The following KCNG2 variants were observed in gnomAD, a reference collection of about 807,000 sequenced individuals.
KCNG2 encodes the protein voltage-gated potassium channel regulatory subunit KCNG2.
KCNG2 carries 7 observed loss-of-function variants against 12.3 expected under a neutral mutation model. That is an observed-to-expected ratio of 0.57 (90% CI 0.32 to 1.07). KCNG2 has a LOEUF of 1.07. Ranked by LOEUF, KCNG2 falls within the 50% of genes least tolerant of loss-of-function variation. KCNG2 has a pLI of 0.04. For missense variants in KCNG2, 703 were observed against 726.0 expected, an observed-to-expected ratio of 0.97 and a Z score of 0.36; for synonymous variants, 414 against 351.4, an observed-to-expected ratio of 1.18 and a Z score of -1.99.
intron 1 of KCNG2, among the ~76,000 whole-genome samples, chr18:79,831,682 T>A (rs1191059118): frequency 2.3e-5 from 3 of 131,570 alleles, no homozygotes; most frequent in Non-Finnish European, 5.0e-5. Context: ...GAGGGTTCCC[T>A]GCGGACAGAG....
intron 3 of KCNG2, among the ~76,000 whole-genome samples, chr18:79,874,376 G>A (rs538058247): frequency 5.3e-5 from 8 of 152,330 alleles, no homozygotes; most frequent in African/African-American, 1.7e-4. Flanking sequence ...CAGCGGAGGC[G>A]AAGAAAGGAG....
intron 3 of KCNG2, among the ~76,000 whole-genome samples, chr18:79,891,397 A>G (rs1407812335): frequency 6.6e-6 from 1 of 151,888 alleles, no homozygotes; most frequent in African/African-American, 2.4e-5. Flanking sequence ...CACCCAGCTA[A>G]TTTTTGTATG....
intron 2 of KCNG2, among the ~76,000 whole-genome samples, 23 bp downstream of exon 2, chr18:79,856,475 G>A (rs1020660419): frequency 6.6e-6 from 1 of 152,182 alleles, no homozygotes; most frequent in Admixed American, 6.5e-5. Context: ...CCTGCCAGAA[G>A]GGCAAGAAAC....
intron 3 of KCNG2, among the ~76,000 whole-genome samples, chr18:79,872,866 T>G (rs899641323): frequency 3.3e-5 from 5 of 152,192 alleles, no homozygotes; most frequent in Non-Finnish European, 7.3e-5. Context: ...GCGAGGTCTC[T>G]CTCCCCTTTT....
chr18:79,809,550 G>GT lies in KCNG2; in HGVS notation c.-115+11536_-115+11537insT, dbSNP rs1568241921. Among the ~76,000 whole-genome samples the GT allele has an allele frequency of 2.4e-4, 15 of 61,372 alleles. 1 individual carries two copies. The highest frequency in any genetic ancestry group is 8.3e-4 in the South Asian group (1 of 1,204). 40.3% of individuals were successfully genotyped at this position (61,372 alleles called of 152,430 possible). A position where few individuals can be genotyped will look rare whatever the true frequency, so the allele number is the denominator to read the frequency against. The stretch of plus-strand genomic sequence containing the variant: ...GCGCTGACCACACTCCACGTTACCG[G>GT]CCCAGAGTCCGCGCTCTGAGGAGCT... On this transcript the variant is annotated intron_variant, in intron 1 of 3. Transcript: ENST00000316249.
At chr18:79,828,531 A>G (rs1978287984) in intron 1 of KCNG2, among the ~76,000 whole-genome samples, 1 of 149,778 alleles carries the variant, frequency 6.7e-6, no homozygotes, top group Admixed American at 6.6e-5. Context: ...GTGTTTATGC[A>G]TGTCTGTGTG....
At position 79,884,018 on chromosome 18, in the gene KCNG2, C is replaced by T. The variant is rs1235030747; in HGVS notation, c.625-15022C>T. On this transcript the variant is annotated intron_variant, in intron 3 of 3. Transcript: ENST00000316249. This position sits in a 1 kb window ranked among gnomAD's most constrained non-coding sequence, Gnocchi z 5.5. ...CCCGCCCCCGTCTAGCCAGTCCCCACGTCCTGACGTTTCTATCCCAACCCC... is the reference window on the plus strand; with the variant it reads ...CCCGCCCCCGTCTAGCCAGTCCCCATGTCCTGACGTTTCTATCCCAACCCC... Among the ~76,000 whole-genome samples, 1 of 151,740 alleles carries T rather than the reference C, an allele frequency of 6.6e-6. No homozygotes were observed. Among genetic ancestry groups the T allele is most frequent in the African/African-American group, 2.4e-5 (1 of 41,278 alleles).
At chr18:79,836,492 T>C (rs1978326145) in intron 1 of KCNG2, among the ~76,000 whole-genome samples, 1 of 152,226 alleles carries the variant, frequency 6.6e-6, no homozygotes, top group Non-Finnish European at 1.5e-5. Flanking sequence ...AGAATATTCC[T>C]TTTTCTTGAG....
At position 79,803,776 on chromosome 18, in the gene KCNG2, G is replaced by A. The variant is rs916298531; in HGVS notation, c.-115+5762G>A. On this transcript the variant is annotated intron_variant, in intron 1 of 3. Transcript: ENST00000316249. The surrounding 1 kb of genome is among the most constrained non-coding windows in gnomAD (Gnocchi z 4.5). ...TCTCCCGACCACAGGCCCCAGTCCC[G>A]GCCAAGGTTCCAGGATGCCAGCAGG... 3.3e-5 allele frequency among the ~76,000 whole-genome samples: 5 copies of A among 152,192 alleles called. No homozygotes were observed. Among genetic ancestry groups the A allele is most frequent in the African/African-American group, 4.8e-5 (2 of 41,448 alleles).
At chr18:79,891,848 G>A (rs1446044145) in intron 3 of KCNG2, among the ~76,000 whole-genome samples, 1 of 152,052 alleles carries the variant, frequency 6.6e-6, no homozygotes, top group Non-Finnish European at 1.5e-5. Flanking sequence ...TGAGTTGTCC[G>A]GTGCCATGTT....
chr18:79,821,899 A>G (rs1182679543), intron 1 of KCNG2, among the ~76,000 whole-genome samples: 1 of 152,156 alleles, frequency 6.6e-6, no homozygotes. Flanking sequence ...AATTGTATTG[A>G]CTATTCGTGG....
intron 1 of KCNG2, among the ~76,000 whole-genome samples, chr18:79,807,256 A>C (rs1175069716): frequency 1.3e-5 from 2 of 152,180 alleles, no homozygotes; most frequent in Non-Finnish European, 2.9e-5. Flanking sequence ...TTTTTGCATG[A>C]AAGTGAGGTC....
intron 1 of KCNG2, among the ~76,000 whole-genome samples, chr18:79,836,035 T>C (rs1297424477): frequency 1.3e-5 from 2 of 152,228 alleles, no homozygotes; most frequent in Admixed American, 1.3e-4. Flanking sequence ...ATAATTTTAG[T>C]AGGTGTAAAT....
intron 3 of KCNG2, among the ~76,000 whole-genome samples, chr18:79,869,282 G>A (rs1408267162): frequency 2.0e-5 from 3 of 152,166 alleles, no homozygotes; most frequent in Non-Finnish European, 4.4e-5. Context: ...GGGAGGGCTC[G>A]GCTCAGGGAC....
rs534359898 is a variant in KCNG2 at position 79,884,856 on chromosome 18, A to C, written c.625-14184A>C. Among the ~76,000 whole-genome samples, 65 of 152,282 alleles carry C rather than the reference A, an allele frequency of 4.3e-4. 1 individual carries two copies. Among genetic ancestry groups the C allele is most frequent in the African/African-American group, 1.4e-3 (60 of 41,564 alleles). On this transcript the variant is annotated intron_variant, in intron 3 of 3. Coordinates refer to ENST00000316249, the MANE Select transcript of KCNG2 (RefSeq NM_012283.2). This position sits in a 1 kb window ranked among gnomAD's most constrained non-coding sequence, Gnocchi z 5.5. ...ACTTGCTTTTCCCATTCACAGAAAC[A>C]CAGTAGCGTGCGCGGGTCGGTGATG...
intron 1 of KCNG2, among the ~76,000 whole-genome samples, chr18:79,845,680 T>C (rs1389992244): frequency 1.3e-5 from 2 of 152,260 alleles, no homozygotes; most frequent in Non-Finnish European, 2.9e-5. Flanking sequence ...TAGCAAGTTC[T>C]CTTCTGAACA....
chr18:79,808,222 C>T (rs377557883), intron 1 of KCNG2, among the ~76,000 whole-genome samples: 2 of 50,496 alleles, frequency 4.0e-5, no homozygotes, highest in Admixed American at 4.1e-4. Context: ...CCACACTCCA[C>T]GTTATGGGCC....
chr18:79,859,180 C>T (rs12606203), intron 2 of KCNG2, among the ~76,000 whole-genome samples: 20,436 of 152,108 alleles, frequency 0.13, 1,677 homozygotes, highest in East Asian at 0.36. Context: ...TTTTCTTCTA[C>T]GTGTGTTTTG....
intron 3 of KCNG2, chr18:79,876,044 C>T (rs929472497): frequency 3.3e-5 from 5 of 152,364 alleles, no homozygotes; most frequent in Non-Finnish European, 5.9e-5. Flanking sequence ...GCTTCTTGCC[C>T]AGGTCTGGGG....
Sources: allele counts gnomAD v4.1 joint callset (sites outside exome capture counted in the v4.1 genomes callset), GRCh38; gene constraint gnomAD v4.1.1; non-coding constraint Gnocchi (gnomAD v3.1); transcripts MANE v1.5; gene names NCBI Gene and HGNC (gene_info 2026-07-23, HGNC 2026-07-21).